RANBP2: variants seen among roughly 807,000 people sequenced by gnomAD.
The protein encoded by RANBP2 is E3 SUMO-protein ligase RanBP2.
RANBP2 carries 57 observed loss-of-function variants against 303.6 expected under a neutral mutation model. The ratio of observed to expected loss-of-function variants is 0.19; its 90% confidence interval spans 0.15 to 0.23. RANBP2 has a LOEUF of 0.23. Ranked by LOEUF, RANBP2 falls within the 10% of genes least tolerant of loss-of-function variation. The pLI, the probability that RANBP2 is intolerant of heterozygous loss-of-function variation, is 1.00. For synonymous variants in RANBP2, 1,167 were observed against 1,301.5 expected (o/e 0.90, Z 2.23); for missense variants, 3,138 against 3,780.8 (o/e 0.83, Z 4.46).
At chr2:109,484,951 G>A in the RANBP2 span, among the ~76,000 whole-genome samples, 1 of 152,226 alleles carries the variant, frequency 6.6e-6, no homozygotes, top group Non-Finnish European at 1.5e-5. Flanking sequence ...GAGTTAAAGT[G>A]TACGATTGTG....
chr2:109,540,341 T>TACA, the RANBP2 span, among the ~76,000 whole-genome samples: 574 of 152,306 alleles, frequency 3.8e-3, 5 homozygotes, highest in African/African-American at 0.013. Context: ...TGTCCTATCA[T>TACA]ACACAAGTGG....
chr2:109,319,263 G>A, the RANBP2 span, among the ~76,000 whole-genome samples: 43 of 152,322 alleles, frequency 2.8e-4, no homozygotes, highest in African/African-American at 9.6e-4. Context: ...TTTTGGAGTT[G>A]AGAAAGAGTT....
the RANBP2 span, among the ~76,000 whole-genome samples, chr2:109,022,361 C>T: frequency 6.6e-6 from 1 of 152,362 alleles, no homozygotes; most frequent in African/African-American, 2.4e-5. Flanking sequence ...TGTTACTGTC[C>T]TCAGGCATCG....
the RANBP2 span, among the ~76,000 whole-genome samples, chr2:109,663,457 A>G: frequency 1.3e-5 from 2 of 152,174 alleles, no homozygotes; most frequent in Non-Finnish European, 2.9e-5. Flanking sequence ...GATCAATAAA[A>G]CAGATAAAAA....
the RANBP2 span, among the ~76,000 whole-genome samples, chr2:108,811,368 C>T: frequency 1.1e-4 from 16 of 151,478 alleles, no homozygotes; most frequent in Non-Finnish European, 1.9e-4. Context: ...CTTCAGCCTC[C>T]TTAGTAGCTG....
At chr2:109,553,267 G>A in the RANBP2 span, 37 of 1,600,342 alleles carry the variant, frequency 2.3e-5, no homozygotes, top group East Asian at 2.0e-4. Flanking sequence ...GATATAGGTC[G>A]GGTATGGCGG....
chr2:109,129,598 A>G, the RANBP2 span: 1 of 1,482,588 alleles, frequency 6.7e-7, no homozygotes, highest in Non-Finnish European at 8.9e-7. Flanking sequence ...TGCTGCGCAG[A>G]GCGAGGGCGA....
At chr2:109,467,357 C>T in the RANBP2 span, among the ~76,000 whole-genome samples, 2 of 152,252 alleles carry the variant, frequency 1.3e-5, no homozygotes, top group Admixed American at 6.5e-5. Context: ...AGCGCAAAAT[C>T]GGCCAAGAGC....
chr2:109,462,918 T>C, the RANBP2 span, among the ~76,000 whole-genome samples: 1 of 152,240 alleles, frequency 6.6e-6, no homozygotes, highest in Non-Finnish European at 1.5e-5. Flanking sequence ...TCAGATCCAG[T>C]GTCCAGCTGT....
chr2:109,463,730 G>C, the RANBP2 span, among the ~76,000 whole-genome samples: 1 of 152,210 alleles, frequency 6.6e-6, no homozygotes, highest in Non-Finnish European at 1.5e-5. Context: ...ACCTTGGAGA[G>C]ACCTGGCTGC....
At chr2:109,260,674 G>A in the RANBP2 span, among the ~76,000 whole-genome samples, 1 of 152,194 alleles carries the variant, frequency 6.6e-6, no homozygotes. Flanking sequence ...AGGCCCATGG[G>A]AGAAGCGGCC....
chr2:109,041,922 TGTG>T, the RANBP2 span, among the ~76,000 whole-genome samples: 1 of 152,162 alleles, frequency 6.6e-6, no homozygotes, highest in Non-Finnish European at 1.5e-5. Context: ...ATTCTGTTAA[TGTG>T]GTGAATTACA....
chr2:109,431,897 C>T, the RANBP2 span, among the ~76,000 whole-genome samples: 1 of 152,110 alleles, frequency 6.6e-6, no homozygotes, highest in Non-Finnish European at 1.5e-5. Context: ...AGTAATTAAC[C>T]ATAGCACAAT....
At chr2:109,501,339 T>A in the RANBP2 span, among the ~76,000 whole-genome samples, 1 of 151,974 alleles carries the variant, frequency 6.6e-6, no homozygotes, top group East Asian at 1.9e-4. Context: ...AAATGAAAAA[T>A]TTCCAGAGTT....
At chr2:108,822,253 A>G in the RANBP2 span, among the ~76,000 whole-genome samples, 1 of 152,240 alleles carries the variant, frequency 6.6e-6, no homozygotes, top group Non-Finnish European at 1.5e-5. Flanking sequence ...TTCACCAAGA[A>G]GATATAAATG....
the RANBP2 span, chr2:108,839,205 G>A: frequency 3.7e-6 from 6 of 1,610,230 alleles, no homozygotes; most frequent in African/African-American, 6.7e-5. Flanking sequence ...TAATGACAGA[G>A]CAGCTACAGT....
At chr2:109,138,215 GA>G in the RANBP2 span, among the ~76,000 whole-genome samples, 1 of 152,174 alleles carries the variant, frequency 6.6e-6, no homozygotes, top group East Asian at 1.9e-4. Context: ...TTTTAGTAGA[GA>G]GGGGGTTTCA....
At chr2:109,086,282 C>T in the RANBP2 span, among the ~76,000 whole-genome samples, 15 of 152,104 alleles carry the variant, frequency 9.9e-5, no homozygotes, top group Admixed American at 6.5e-4. Context: ...GGGAGGGGGG[C>T]GGTCATTGTA....
chr2:108,908,745 G>A, the RANBP2 span, among the ~76,000 whole-genome samples: 32 of 152,196 alleles, frequency 2.1e-4, no homozygotes, highest in Non-Finnish European at 3.5e-4. Flanking sequence ...TTCTTTTTTA[G>A]AGGCATCCTG....
Sources: allele counts gnomAD v4.1 joint callset (sites outside exome capture counted in the v4.1 genomes callset), GRCh38; gene constraint gnomAD v4.1.1; transcripts MANE v1.5; gene names NCBI Gene and HGNC (gene_info 2026-07-23, HGNC 2026-07-21).